The following ADK variants were observed in gnomAD, a reference collection of about 807,000 sequenced individuals.
ADK encodes N6,N6-dimethyladenosine kinase.
A neutral mutation model predicts 44.7 loss-of-function variants in ADK; 24 were observed. That is an observed-to-expected ratio of 0.54 (90% CI 0.39 to 0.76). The LOEUF is 0.76. Among genes scored for constraint, ADK ranks in the 30% least tolerant of loss-of-function variants. ADK has a pLI of 0.00. For synonymous variants in ADK, 128 were observed against 142.6 expected, an observed-to-expected ratio of 0.90 and a Z score of 0.73; for missense variants, 321 against 425.1, an observed-to-expected ratio of 0.76 and a Z score of 2.15.
intron 1 of ADK, among the ~76,000 whole-genome samples, chr10:74,164,694 C>G (rs1841990420): frequency 6.6e-6 from 1 of 152,052 alleles, no homozygotes; most frequent in Non-Finnish European, 1.5e-5. Context: ...CTCGTAGATT[C>G]TTATCTTTGC....
At chr10:74,570,879 A>T in intron 7 of ADK, among the ~76,000 whole-genome samples, 1 of 152,140 alleles carries the variant, frequency 6.6e-6, no homozygotes, top group Non-Finnish European at 1.5e-5. Context: ...TTTCAAAGGG[A>T]ATGCTTCCAG....
intron 9 of ADK, among the ~76,000 whole-genome samples, chr10:74,622,556 A>G (rs530179744): frequency 2.6e-5 from 4 of 152,354 alleles, no homozygotes; most frequent in Non-Finnish European, 4.4e-5. Context: ...AGAAAAATAC[A>G]TAGCCCGAGA....
intron 7 of ADK, 146 bp downstream of exon 7, chr10:74,525,572 A>G: frequency 3.0e-6 from 2 of 664,230 alleles, no homozygotes; most frequent in East Asian, 2.9e-5. Flanking sequence ...AATTGCCTCA[A>G]TGTCAACTGC....
At chr10:74,234,815 A>G (rs950572009) in intron 3 of ADK, among the ~76,000 whole-genome samples, 2 of 152,174 alleles carry the variant, frequency 1.3e-5, no homozygotes, top group South Asian at 2.1e-4. Context: ...AATAATTTAG[A>G]AAAGTGATCT....
chr10:74,700,629 A>G (rs187165676), intron 10 of ADK, among the ~76,000 whole-genome samples: 18 of 152,200 alleles, frequency 1.2e-4, no homozygotes, highest in South Asian at 6.2e-4. Flanking sequence ...AAACAAAAAA[A>G]AAAAGAAAAG....
intron 6 of ADK, among the ~76,000 whole-genome samples, chr10:74,415,512 T>C (rs561114248): frequency 6.6e-6 from 1 of 152,298 alleles, no homozygotes; most frequent in African/African-American, 2.4e-5. Flanking sequence ...TATAGAATCT[T>C]TATAGTTTAA....
At chr10:74,656,838 A>C (rs1854505038) in intron 9 of ADK, among the ~76,000 whole-genome samples, 1 of 152,138 alleles carries the variant, frequency 6.6e-6, no homozygotes, top group African/African-American at 2.4e-5. Context: ...CCCACATGAG[A>C]GCGTTCTGTG....
rs1185036462 is a variant in ADK at position 74,303,588 on chromosome 10, G to GTTTTTTTTTTTTTTTTTTT, written c.195-11071_195-11053dup. On this transcript the variant is annotated intron_variant, in intron 3 of 10. Coordinates refer to ENST00000539909, the MANE Select transcript of ADK (RefSeq NM_006721.4). ...CACTTTTCATATTGGTTTTAATGTT[G>GTTTTTTTTTTTTTTTTTTT]TTTTTTTTTTTTTTTTTTTTTTTTT... Among the ~76,000 whole-genome samples, 69 of 68,568 alleles carry GTTTTTTTTTTTTTTTTTTT rather than the reference G, an allele frequency of 1.0e-3. 9 individuals carry two copies. Among genetic ancestry groups the GTTTTTTTTTTTTTTTTTTT allele is most frequent in the East Asian group, 2.3e-3 (5 of 2,178 alleles). The allele number at this position is 68,568 out of a possible 152,430, so 45.0% of individuals were successfully genotyped here.
At chr10:74,166,088 C>A (rs1021358531) in intron 1 of ADK, among the ~76,000 whole-genome samples, 1 of 151,782 alleles carries the variant, frequency 6.6e-6, no homozygotes, top group Non-Finnish European at 1.5e-5. Context: ...TAAGGGCATG[C>A]GCCACCACAC....
At chr10:74,512,838 G>A in intron 6 of ADK, among the ~76,000 whole-genome samples, 1 of 151,242 alleles carries the variant, frequency 6.6e-6, no homozygotes, top group Non-Finnish European at 1.5e-5. Flanking sequence ...AGTTCTTTGA[G>A]GTTTATCATC....
At chr10:74,644,693 C>A (rs1325783634) in intron 9 of ADK, among the ~76,000 whole-genome samples, 1 of 152,084 alleles carries the variant, frequency 6.6e-6, no homozygotes, top group Non-Finnish European at 1.5e-5. Context: ...CCACACCCAG[C>A]TAATTTTTTA....
intron 7 of ADK, among the ~76,000 whole-genome samples, chr10:74,574,187 A>C (rs7476538): frequency 5.5e-5 from 6 of 108,582 alleles, no homozygotes; most frequent in African/African-American, 1.1e-4. Flanking sequence ...TTTTTTTTTG[A>C]GAAAGATTCT....
At chr10:74,660,972 C>G (rs1019962722) in intron 9 of ADK, among the ~76,000 whole-genome samples, 3 of 151,862 alleles carry the variant, frequency 2.0e-5, no homozygotes, top group African/African-American at 7.3e-5. Context: ...GCGGAGGTTG[C>G]AGTGAGCTGA....
intron 1 of ADK, among the ~76,000 whole-genome samples, chr10:74,183,738 C>A (rs115455513): frequency 0.057 from 8,644 of 151,688 alleles, 869 homozygotes; most frequent in African/African-American, 0.2. Flanking sequence ...TCGAACCCAG[C>A]CTCAGCTTAC....
intron 4 of ADK, among the ~76,000 whole-genome samples, chr10:74,359,958 A>C (rs1842281713): frequency 6.6e-6 from 1 of 152,152 alleles, no homozygotes; most frequent in African/African-American, 2.4e-5. Context: ...CTTAGTGTAT[A>C]GAAATTCTAC....
At chr10:74,371,479 G>A (rs984400899) in intron 4 of ADK, 17 of 668,424 alleles carry the variant, frequency 2.5e-5, no homozygotes, top group Admixed American at 1.1e-4. Flanking sequence ...CCACATAGAC[G>A]TCCATACGGC....
chr10:74,255,824 G>A (rs539779249), intron 3 of ADK, among the ~76,000 whole-genome samples: 1 of 152,272 alleles, frequency 6.6e-6, no homozygotes, highest in Admixed American at 6.5e-5. Flanking sequence ...AAAACATACT[G>A]CTGTTCTTTA....
chr10:74,485,712 A>G (rs868141439), intron 6 of ADK, among the ~76,000 whole-genome samples: 2 of 152,274 alleles, frequency 1.3e-5, no homozygotes, highest in Middle Eastern at 6.8e-3. Flanking sequence ...AATATCTAGA[A>G]CTTAGTCTAA....
At chr10:74,591,129 A>C (rs1851701280) in intron 8 of ADK, among the ~76,000 whole-genome samples, 1 of 152,234 alleles carries the variant, frequency 6.6e-6, no homozygotes, top group Middle Eastern at 3.4e-3. Context: ...TTCCCCCTTG[A>C]GCTACTTGCT....
Sources: gnomAD v4.1 joint callset for allele counts (sites outside exome capture counted in the v4.1 genomes callset) on GRCh38, gnomAD v4.1.1 for gene constraint, MANE v1.5 for transcripts, NCBI Gene and HGNC (gene_info 2026-07-23, HGNC 2026-07-21) for gene names.